The following PNO1 variants were observed in gnomAD, a reference collection of about 807,000 sequenced individuals.
PNO1 encodes the protein RNA-binding protein PNO1.
In PNO1, 16 loss-of-function variants were observed where a neutral mutation model predicts 28.4. The ratio of observed to expected loss-of-function variants is 0.56; its 90% CI spans 0.38 to 0.85. The LOEUF (loss-of-function observed/expected upper bound fraction) is 0.85. PNO1 is among the 40% of genes least tolerant of loss of function. The pLI is 0.00. For missense variants in PNO1, 304 were observed against 312.2 expected, an observed-to-expected ratio of 0.97 and a Z score of 0.20; for synonymous variants, 115 against 110.8, an observed-to-expected ratio of 1.04 and a Z score of -0.24.
At chr2:68,172,998 A>G (rs1250211507) in intron 5 of PNO1, 7 of 188,864 alleles carry the variant, frequency 3.7e-5, no homozygotes, top group Admixed American at 6.1e-5. Flanking sequence ...TGCCCTCATT[A>G]AAGAATCTGA....
intron 5 of PNO1, among the ~76,000 whole-genome samples, chr2:68,165,135 C>T (rs1200043222): frequency 1.3e-4 from 20 of 151,818 alleles, no homozygotes; most frequent in Non-Finnish European, 1.5e-4. Flanking sequence ...GAGGCCGAGG[C>T]GGGCGGATCA....
At chr2:68,172,785 G>A (rs1201528617) in intron 5 of PNO1, among the ~76,000 whole-genome samples, 3 of 152,154 alleles carry the variant, frequency 2.0e-5, no homozygotes, top group Admixed American at 2.0e-4. Context: ...ATTAATGAGG[G>A]CATGCATAGA....
chr2:68,161,852 A>G, intron 3 of PNO1, 86 bp downstream of exon 3: 4 of 876,968 alleles, frequency 4.6e-6, no homozygotes, highest in African/African-American at 1.7e-5. Context: ...AAAAAAAAAA[A>G]GGCCAGGCAC....
At chr2:68,173,286 G>C (rs374601387) in intron 5 of PNO1, 61 bp from the exon 6 acceptor site, 3 of 1,019,100 alleles carry the variant, frequency 2.9e-6, no homozygotes, top group Non-Finnish European at 1.6e-6. Context: ...CAAAGTGCTG[G>C]GATTACAGGT....
intron 5 of PNO1, chr2:68,173,083 CTTTTTTTTTT>C (rs200879340): frequency 1.8e-5 from 2 of 111,952 alleles, no homozygotes; most frequent in Admixed American, 1.0e-4. Flanking sequence ...TCTACAATGT[CTTTTTTTTTT>C]TTTTTTTTTT....
At chr2:68,173,294 G>C in intron 5 of PNO1, 53 bp from the exon 6 acceptor site, 1 of 1,073,372 alleles carries the variant, frequency 9.3e-7, no homozygotes, top group South Asian at 1.2e-5. Flanking sequence ...TGGGATTACA[G>C]GTGTGAGTCA....
intron 5 of PNO1, among the ~76,000 whole-genome samples, chr2:68,163,321 C>T (rs1228115442): frequency 1.3e-5 from 2 of 152,098 alleles, no homozygotes; most frequent in African/African-American, 2.4e-5. Flanking sequence ...CACCTAAGGT[C>T]AGGAGTTCGA....
chr2:68,158,651 A>G (rs1012241992), intron 2 of PNO1, 122 bp downstream of exon 2: 1 of 811,874 alleles, frequency 1.2e-6, no homozygotes, highest in Non-Finnish European at 1.8e-6. Flanking sequence ...CAGTTTAAAA[A>G]TTTACCATAT....
intron 2 of PNO1, among the ~76,000 whole-genome samples, chr2:68,159,072 C>T (rs936608874): frequency 1.3e-5 from 2 of 152,138 alleles, no homozygotes; most frequent in African/African-American, 4.8e-5. Context: ...ACTTGATCTG[C>T]ATTGCCGGTA....
chr2:68,161,817 G>A (rs752824256), intron 3 of PNO1, 51 bp downstream of exon 3: 6 of 1,207,652 alleles, frequency 5.0e-6, no homozygotes, highest in Middle Eastern at 3.7e-4. Flanking sequence ...TATTCAATGT[G>A]AACATTTCAA....
intron 4 of PNO1, 103 bp from the exon 5 acceptor site, chr2:68,162,443 A>G (rs1188707524): frequency 9.7e-7 from 1 of 1,028,616 alleles, no homozygotes; most frequent in Non-Finnish European, 1.5e-6. Flanking sequence ...ATATATATAC[A>G]CTTTGTGTCC....
intron 5 of PNO1, among the ~76,000 whole-genome samples, chr2:68,169,680 CT>C (rs1045182062): frequency 6.0e-4 from 92 of 152,250 alleles, no homozygotes; most frequent in African/African-American, 2.1e-3. Flanking sequence ...TTAATTTTAA[CT>C]TTTTATAATA....
chr2:68,168,566 A>G (rs1019761501), intron 5 of PNO1, among the ~76,000 whole-genome samples: 2 of 152,228 alleles, frequency 1.3e-5, no homozygotes, highest in African/African-American at 4.8e-5. Flanking sequence ...TGCTAGAGAA[A>G]AAAAAATATC....
rs1553400934 is a variant in PNO1, at chr2:68,162,150, A to AAG, written c.442-114_442-113insGA. The AAG allele has an allele frequency of 5.0e-6, 4 of 803,372 alleles. No individual in the cohort carries two copies. The Admixed American group carries it at 7.5e-5, about 15-fold the overall frequency. The allele number at this position is 803,372 out of a possible 1,614,324, so 49.8% of individuals were successfully genotyped here. A position where few individuals can be genotyped will look rare whatever the true frequency, so the allele number is the denominator to read the frequency against. Reference sequence around the variant, plus strand: ...TAAGACTCTGTCTCCAAGGGAAAAAAAAAAGCTTTCTAGCTCTAGAGTTTG... The same window carrying AAG: ...TAAGACTCTGTCTCCAAGGGAAAAAAAGAAAAGCTTTCTAGCTCTAGAGTTTG... On this transcript the variant is annotated intron_variant, in intron 3 of 6. Transcript: ENST00000263657.
Position 68,176,082 on chromosome 2 carries a change from C to T in PNO1, c.*1280C>T, listed in dbSNP as rs1674275413. Reference sequence around the variant, plus strand: ...AAGAACCATCATAAGTCTGTTTCTTCTAGTAAAGGTGAAATGATGAAAGAA... The same window carrying T: ...AAGAACCATCATAAGTCTGTTTCTTTTAGTAAAGGTGAAATGATGAAAGAA... On this transcript the variant is annotated 3_prime_UTR_variant, in exon 7 of 7. Transcript: ENST00000263657. The T allele has an allele frequency of 6.6e-6, 1 of 152,130 alleles. No homozygotes were observed. Among genetic ancestry groups the T allele is most frequent in the African/African-American group, 2.4e-5 (1 of 41,416 alleles). 9.4% of individuals were successfully genotyped at this position (152,130 alleles called of 1,614,324 possible). A position where few individuals can be genotyped will look rare whatever the true frequency, so the allele number is the denominator to read the frequency against.
At chr2:68,173,020 T>C (rs973732701) in intron 5 of PNO1, 1 of 209,888 alleles carries the variant, frequency 4.8e-6, no homozygotes, top group Non-Finnish European at 9.3e-6. Context: ...TCAAATATCA[T>C]GATTTTCCAG....
At position 68,158,109 on chromosome 2, in the gene PNO1, G is replaced by A; in HGVS notation, c.175G>A (p.Val59Ile). ...TEEARPAKRP[V>I]FPPLCGDGLL... is the part of the protein sequence containing the mutation. ...GGAGGCCAGGCCGGCGAAGAGGCCC[G>A]TCTTCCCACCCCTCTGTGGGGACGG... is the stretch of plus-strand genomic sequence containing the variant. Residue 59 changes from valine to isoleucine, a missense_variant, in exon 1 of 7, where the codon GTC becomes ATC. By Grantham distance (29) the Val-to-Ile change is conservative. Transcript: ENST00000263657. 1 of 1,609,160 alleles carries A rather than the reference G, an allele frequency of 6.2e-7. No individual in the cohort carries two copies. The highest frequency in any genetic ancestry group is 8.5e-7 in the Non-Finnish European group (1 of 1,177,886).
chr2:68,161,589 T>A, intron 2 of PNO1, 94 bp from the exon 3 acceptor site: 1 of 796,942 alleles, frequency 1.3e-6, no homozygotes, highest in Non-Finnish European at 2.2e-6. Context: ...AAGGAAATTC[T>A]CCAATAATGG....
At chr2:68,158,783 G>A (rs1197474990) in intron 2 of PNO1, among the ~76,000 whole-genome samples, 2 of 152,110 alleles carry the variant, frequency 1.3e-5, no homozygotes, top group African/African-American at 2.4e-5. Context: ...CTTTTATAAT[G>A]TTCTATGTCA....
Sources: allele counts gnomAD v4.1 joint callset (sites outside exome capture counted in the v4.1 genomes callset), GRCh38; gene constraint gnomAD v4.1.1; transcripts MANE v1.5; gene names NCBI Gene and HGNC (gene_info 2026-07-23, HGNC 2026-07-21).